SLC25A26: variants seen among roughly 807,000 people sequenced by gnomAD.
SLC25A26 encodes the protein mitochondrial S-adenosylmethionine carrier protein.
A neutral mutation model predicts 37.8 loss-of-function variants in SLC25A26; 36 were observed. That is an observed-to-expected ratio of 0.95 (90% CI 0.73 to 1.26). SLC25A26 has a LOEUF of 1.26. Ranked by LOEUF, SLC25A26 falls within the 50% of genes most tolerant of loss-of-function variation. The pLI is 0.00. For missense variants in SLC25A26, 390 were observed against 331.1 expected (o/e 1.18, Z -1.38); for synonymous variants, 129 against 122.5 (o/e 1.05, Z -0.35).
At chr3:66,336,036 T>G in intron 5 of SLC25A26, among the ~76,000 whole-genome samples, 1 of 152,318 alleles carries the variant, frequency 6.6e-6, no homozygotes, top group East Asian at 1.9e-4. Flanking sequence ...TCTTTTCTAA[T>G]TGTAATTTTG....
intron 5 of SLC25A26, among the ~76,000 whole-genome samples, chr3:66,342,231 T>C (rs970958951): frequency 6.6e-6 from 1 of 152,112 alleles, no homozygotes; most frequent in African/African-American, 2.4e-5. Context: ...CAACTAGAGG[T>C]CTTGCACACG....
At chr3:66,360,548 A>T (rs1309089839) in intron 6 of SLC25A26, among the ~76,000 whole-genome samples, 4 of 152,232 alleles carry the variant, frequency 2.6e-5, no homozygotes, top group Non-Finnish European at 4.4e-5. Flanking sequence ...AAGGCTGCAG[A>T]ATACAAGATC....
Position 66,264,561 on chromosome 3 carries a change from T to TA in SLC25A26, c.453+1183dup, listed in dbSNP as rs545105440. Among the ~76,000 whole-genome samples, 163 of 152,250 alleles carry TA rather than the reference T, an allele frequency of 1.1e-3. 5 individuals are homozygous for TA. Among genetic ancestry groups the TA allele is most frequent in the Non-Finnish European group, 8.4e-4 (57 of 68,012 alleles). On this transcript the variant is annotated intron_variant, in intron 5 of 9. Transcript: ENST00000354883. ...ATTCTCATAGGAACACGAACCCTATTATGAACTGCGCATGTGAGGGATTTA... is the reference window on the plus strand; with the variant it reads ...ATTCTCATAGGAACACGAACCCTATTAATGAACTGCGCATGTGAGGGATTTA...
intron 1 of SLC25A26, among the ~76,000 whole-genome samples, chr3:66,172,406 T>TAAAGAAAAAA (rs2070512873): frequency 7.3e-5 from 1 of 13,732 alleles, no homozygotes; most frequent in Non-Finnish European, 1.5e-4. Flanking sequence ...GTGATACCTG[T>TAAAGAAAAAA]AAAGAAAAAA....
intron 3 of SLC25A26, among the ~76,000 whole-genome samples, chr3:66,260,320 AT>A (rs2073475794): frequency 1.3e-5 from 2 of 152,028 alleles, no homozygotes; most frequent in African/African-American, 4.8e-5. Flanking sequence ...CTCCATATGT[AT>A]TTCTTGAACT....
chr3:66,154,726 C>T (rs1049562735), intron 1 of SLC25A26, among the ~76,000 whole-genome samples: 3 of 152,074 alleles, frequency 2.0e-5, no homozygotes, highest in Admixed American at 1.3e-4. Context: ...AAGCGATCCA[C>T]CCGCCACGGC....
intron 5 of SLC25A26, among the ~76,000 whole-genome samples, chr3:66,280,575 CTT>C (rs2074303612): frequency 6.6e-6 from 1 of 152,180 alleles, no homozygotes; most frequent in Non-Finnish European, 1.5e-5. Flanking sequence ...TCTTTGAACT[CTT>C]AACGCTCGTC....
At chr3:66,134,456 G>C (rs1228255057) in intron 1 of SLC25A26, among the ~76,000 whole-genome samples, 1 of 152,202 alleles carries the variant, frequency 6.6e-6, no homozygotes, top group Non-Finnish European at 1.5e-5. Context: ...CCAAAAATAA[G>C]AACCAGCCAA....
intron 5 of SLC25A26, among the ~76,000 whole-genome samples, chr3:66,321,913 A>G (rs1302096893): frequency 6.6e-6 from 1 of 152,086 alleles, no homozygotes; most frequent in African/African-American, 2.4e-5. Flanking sequence ...CCTGGAGGCT[A>G]GGAAGTCCAA....
intron 1 of SLC25A26, among the ~76,000 whole-genome samples, chr3:66,158,340 T>C (rs559456832): frequency 1.3e-5 from 2 of 152,240 alleles, no homozygotes; most frequent in African/African-American, 4.8e-5. Context: ...ACCATTTTAT[T>C]TACCTGTTCA....
chr3:66,236,959 C>T (rs892529938), intron 2 of SLC25A26, among the ~76,000 whole-genome samples: 11 of 152,152 alleles, frequency 7.2e-5, no homozygotes, highest in African/African-American at 2.7e-4. Flanking sequence ...GCCTCAGCCC[C>T]CTAAGTAGCT....
intron 5 of SLC25A26, among the ~76,000 whole-genome samples, chr3:66,314,514 G>A (rs752421922): frequency 2.4e-4 from 37 of 152,030 alleles, no homozygotes; most frequent in African/African-American, 3.6e-4. Context: ...TGTATTCGGC[G>A]TGCCTGTATT....
intron 1 of SLC25A26, among the ~76,000 whole-genome samples, chr3:66,224,966 A>C (rs916732704): frequency 5.3e-5 from 8 of 152,190 alleles, no homozygotes; most frequent in African/African-American, 1.9e-4. Context: ...CGCTGCTGTA[A>C]GAGGTGGGTT....
intron 5 of SLC25A26, among the ~76,000 whole-genome samples, chr3:66,268,174 C>T (rs2073828464): frequency 6.6e-6 from 1 of 152,176 alleles, no homozygotes; most frequent in Admixed American, 6.5e-5. Flanking sequence ...GTTTATTTAA[C>T]ATTTCCCAGT....
chr3:66,271,895 T>C (rs1450976189), intron 5 of SLC25A26, among the ~76,000 whole-genome samples: 1 of 152,178 alleles, frequency 6.6e-6, no homozygotes, highest in African/African-American at 2.4e-5. Flanking sequence ...GCCACCTTTG[T>C]TCTTTTGGGC....
chr3:66,321,128 G>A (rs2075682422), intron 5 of SLC25A26, among the ~76,000 whole-genome samples: 1 of 152,166 alleles, frequency 6.6e-6, no homozygotes, highest in African/African-American at 2.4e-5. Context: ...ATCACATAGT[G>A]TTACAGTGAA....
At chr3:66,280,405 C>T (rs2074296900) in intron 5 of SLC25A26, among the ~76,000 whole-genome samples, 1 of 152,092 alleles carries the variant, frequency 6.6e-6, no homozygotes. Context: ...TGTCATGATT[C>T]CCAGTCAATC....
intron 1 of SLC25A26, among the ~76,000 whole-genome samples, chr3:66,147,410 A>G: frequency 6.6e-6 from 1 of 151,686 alleles, no homozygotes; most frequent in African/African-American, 2.4e-5. Context: ...TGATCCACTC[A>G]CCTCAGCCTC....
chr3:66,188,897 C>T (rs2070882782), intron 1 of SLC25A26, among the ~76,000 whole-genome samples: 1 of 152,038 alleles, frequency 6.6e-6, no homozygotes, highest in Admixed American at 6.5e-5. Flanking sequence ...TTTACACCAC[C>T]CTTACCTTGA....
Sources: gnomAD v4.1 joint callset for allele counts (sites outside exome capture counted in the v4.1 genomes callset) on GRCh38, gnomAD v4.1.1 for gene constraint, MANE v1.5 for transcripts, NCBI Gene and HGNC (gene_info 2026-07-23, HGNC 2026-07-21) for gene names.